The following KAZN variants were observed in gnomAD, a reference collection of about 807,000 sequenced individuals.
KAZN encodes kazrin, periplakin interacting protein.
A neutral mutation model predicts 87.4 loss-of-function variants in KAZN; 40 were observed. The observed-to-expected ratio is 0.46, with a 90% CI of 0.36 to 0.60. KAZN has a LOEUF of 0.60. KAZN is among the 20% of genes least tolerant of loss of function. The pLI is 0.00. For missense variants in KAZN, 898 were observed against 1,073.9 expected (o/e 0.84, Z 2.29); for synonymous variants, 466 against 458.3 (o/e 1.02, Z -0.22).
chr1:14,185,661 G>T (rs186699782), intron 2 of KAZN, among the ~76,000 whole-genome samples: 1 of 152,184 alleles, frequency 6.6e-6, no homozygotes, highest in African/African-American at 2.4e-5. Flanking sequence ...GTTTTGTTTT[G>T]TTTTTGTTTC....
chr1:14,226,792 A>G (rs1647330708), intron 2 of KAZN, among the ~76,000 whole-genome samples: 1 of 152,202 alleles, frequency 6.6e-6, no homozygotes, highest in Non-Finnish European at 1.5e-5. Flanking sequence ...AAATTAATGC[A>G]GGAACAGAAA....
intron 1 of KAZN, among the ~76,000 whole-genome samples, chr1:14,128,139 G>A (rs1218517134): frequency 1.3e-5 from 2 of 152,184 alleles, no homozygotes; most frequent in East Asian, 1.9e-4. Flanking sequence ...GTGAAAATCA[G>A]GAGGCCAGGA....
intron 1 of KAZN, among the ~76,000 whole-genome samples, chr1:14,743,787 C>T (rs1408520570): frequency 1.3e-5 from 2 of 152,096 alleles, no homozygotes; most frequent in African/African-American, 2.4e-5. Flanking sequence ...GGGAGGGAGC[C>T]GCTTTCCTGA....
At chr1:14,073,975 G>A (rs915426007) in intron 1 of KAZN, among the ~76,000 whole-genome samples, 2 of 152,080 alleles carry the variant, frequency 1.3e-5, no homozygotes, top group African/African-American at 4.8e-5. Flanking sequence ...GTCTGTCTTG[G>A]TGAACATTCT....
intron 10 of KAZN, 149 bp downstream of exon 10, chr1:15,095,082 G>C (rs1039721605): frequency 3.3e-5 from 21 of 628,390 alleles, no homozygotes; most frequent in Non-Finnish European, 3.7e-5. Context: ...GGATGCCCCT[G>C]ATGAGGGGGC....
At chr1:14,195,986 A>G (rs370381675) in intron 2 of KAZN, among the ~76,000 whole-genome samples, 1 of 152,096 alleles carries the variant, frequency 6.6e-6, no homozygotes, top group African/African-American at 2.4e-5. Flanking sequence ...GGGGCATCCA[A>G]TATATGTAGG....
chr1:15,024,825 C>G (rs1671022458), intron 2 of KAZN, among the ~76,000 whole-genome samples: 1 of 152,168 alleles, frequency 6.6e-6, no homozygotes, highest in Non-Finnish European at 1.5e-5. Flanking sequence ...GGGATGTGGA[C>G]ACAGTTCACC....
intron 1 of KAZN, among the ~76,000 whole-genome samples, chr1:14,752,241 A>G (rs1023863435): frequency 5.9e-5 from 9 of 152,180 alleles, no homozygotes; most frequent in Non-Finnish European, 1.2e-4. Flanking sequence ...TCCAACTTTA[A>G]CATGAGGTTC....
chr1:14,745,868 C>A (rs1290396543), intron 1 of KAZN, among the ~76,000 whole-genome samples: 1 of 152,122 alleles, frequency 6.6e-6, no homozygotes, highest in Non-Finnish European at 1.5e-5. Flanking sequence ...CTGTTGGGGA[C>A]AGTTTTCATT....
At chr1:14,137,189 G>C (rs1483640915) in intron 1 of KAZN, among the ~76,000 whole-genome samples, 1 of 152,152 alleles carries the variant, frequency 6.6e-6, no homozygotes, top group Non-Finnish European at 1.5e-5. Flanking sequence ...CAGTCCTTAG[G>C]AATATGCTTG....
intron 2 of KAZN, among the ~76,000 whole-genome samples, chr1:14,384,952 C>CT (rs1186520325): frequency 6.6e-6 from 1 of 151,020 alleles, no homozygotes; most frequent in Non-Finnish European, 1.5e-5. Context: ...GTCCTGGACT[C>CT]TTTTTGGTTG....
chr1:14,152,436 T>A (rs1380809747), intron 1 of KAZN, among the ~76,000 whole-genome samples: 1 of 152,238 alleles, frequency 6.6e-6, no homozygotes, highest in Admixed American at 6.5e-5. Flanking sequence ...GAACATGCAA[T>A]GTTTGTCTTT....
chr1:14,637,116 C>A (rs1033437187), intron 1 of KAZN, among the ~76,000 whole-genome samples: 1 of 152,174 alleles, frequency 6.6e-6, no homozygotes, highest in Non-Finnish European at 1.5e-5. Context: ...GTTGCATATT[C>A]TCTCCCTCCA....
intron 2 of KAZN, among the ~76,000 whole-genome samples, chr1:15,027,799 C>T (rs1573104391): frequency 6.6e-6 from 1 of 152,124 alleles, no homozygotes; most frequent in Admixed American, 6.5e-5. Flanking sequence ...CCTGACCTTG[C>T]GACATCCAGG....
intron 2 of KAZN, among the ~76,000 whole-genome samples, chr1:14,192,234 T>C (rs961901805): frequency 6.6e-6 from 1 of 152,014 alleles, no homozygotes; most frequent in African/African-American, 2.4e-5. Flanking sequence ...CTAGATTGAG[T>C]TGGGCTTCTG....
intron 2 of KAZN, among the ~76,000 whole-genome samples, chr1:14,962,769 C>A (rs1244227144): frequency 6.6e-6 from 1 of 152,174 alleles, no homozygotes; most frequent in African/African-American, 2.4e-5. Flanking sequence ...GTACAGGATT[C>A]TCACCCCTAT....
chr1:14,210,450 A>C (rs1646831258), intron 2 of KAZN, among the ~76,000 whole-genome samples: 2 of 152,220 alleles, frequency 1.3e-5, no homozygotes, highest in Admixed American at 1.3e-4. Context: ...ACACTTACAT[A>C]GTCATCCTGC....
chr1:14,470,305 G>A (rs963651572), intron 2 of KAZN, among the ~76,000 whole-genome samples: 1 of 152,170 alleles, frequency 6.6e-6, no homozygotes, highest in South Asian at 2.1e-4. Context: ...GGTCCCCTAA[G>A]TAAACCCTTA....
At chr1:14,410,765 C>T (rs1664239949) in intron 2 of KAZN, among the ~76,000 whole-genome samples, 1 of 152,120 alleles carries the variant, frequency 6.6e-6, no homozygotes. Context: ...AAGATGCTGG[C>T]CTTGGAGATG....
Sources: allele counts gnomAD v4.1 joint callset (sites outside exome capture counted in the v4.1 genomes callset), GRCh38; gene constraint gnomAD v4.1.1; transcripts MANE v1.5; gene names NCBI Gene and HGNC (gene_info 2026-07-23, HGNC 2026-07-21).